CDH8: variants seen among roughly 807,000 people sequenced by gnomAD.
CDH8 encodes cadherin-8.
CDH8 carries 17 observed loss-of-function variants against 68.1 expected under a neutral mutation model. The ratio of observed to expected loss-of-function variants is 0.25; its 90% CI spans 0.17 to 0.37. The LOEUF is 0.37. Among genes scored for constraint, CDH8 ranks in the 10% least tolerant of loss-of-function variants. The pLI, the probability that CDH8 is intolerant of heterozygous loss-of-function variation, is 1.00. For synonymous variants in CDH8, 372 were observed against 365.1 expected, an observed-to-expected ratio of 1.02 and a Z score of -0.21; for missense variants, 763 against 999.3, an observed-to-expected ratio of 0.76 and a Z score of 3.19.
chr16:61,883,829 C>A (rs1488022856), intron 3 of CDH8, among the ~76,000 whole-genome samples: 1 of 151,932 alleles, frequency 6.6e-6, no homozygotes, highest in Admixed American at 6.6e-5. Context: ...TGAGACTTCA[C>A]TATCTGTTAT....
At chr16:61,803,568 G>A (rs370584804) in intron 7 of CDH8, among the ~76,000 whole-genome samples, 13 of 152,088 alleles carry the variant, frequency 8.5e-5, no homozygotes, top group African/African-American at 1.2e-4. Context: ...TATTCAGGAA[G>A]CCCATCTCAC....
chr16:62,007,236 A>G (rs1371196703), intron 2 of CDH8, among the ~76,000 whole-genome samples: 1 of 152,198 alleles, frequency 6.6e-6, no homozygotes, highest in African/African-American at 2.4e-5. Flanking sequence ...AGTTTTAGAC[A>G]GATGTAAACT....
chr16:61,752,804 A>G lies in CDH8; in HGVS notation c.1415-25589T>C, dbSNP rs149295577. ...TACGAGTATTACAGAAAAGTGTAAC[A>G]TGTTTTATCTGCCCTTGAAGGCATT... On this transcript the variant is annotated intron_variant, in intron 8 of 11. Coordinates refer to ENST00000577390, the MANE Select transcript of CDH8 (RefSeq NM_001796.5). Among the ~76,000 whole-genome samples, 19 of 152,340 alleles carry G rather than the reference A, an allele frequency of 1.2e-4. No individual in the cohort carries two copies. The East Asian group carries it at 3.7e-3, about 29-fold the overall frequency.
At chr16:61,947,344 C>T (rs1248284398) in intron 2 of CDH8, among the ~76,000 whole-genome samples, 1 of 152,068 alleles carries the variant, frequency 6.6e-6, no homozygotes, top group Non-Finnish European at 1.5e-5. Context: ...TGAACATTCC[C>T]CAAGCACATA....
chr16:61,684,936 T>C (rs934656718), intron 10 of CDH8, among the ~76,000 whole-genome samples: 2 of 151,852 alleles, frequency 1.3e-5, no homozygotes, highest in African/African-American at 4.8e-5. Flanking sequence ...ATTCTACTCC[T>C]TCTCTCTCTC....
intron 3 of CDH8, among the ~76,000 whole-genome samples, chr16:61,876,377 C>T (rs1007965600): frequency 1.3e-5 from 2 of 152,090 alleles, no homozygotes; most frequent in African/African-American, 4.8e-5. Context: ...CTGAGAGTTG[C>T]TGTTTCCTAG....
At chr16:61,735,919 A>C (rs1959665332) in intron 8 of CDH8, among the ~76,000 whole-genome samples, 1 of 151,876 alleles carries the variant, frequency 6.6e-6, no homozygotes, top group African/African-American at 2.4e-5. Context: ...CTAAAAATAC[A>C]AAAATTAGCT....
chr16:61,874,613 A>G (rs1352521196), intron 3 of CDH8, among the ~76,000 whole-genome samples: 1 of 152,122 alleles, frequency 6.6e-6, no homozygotes. Context: ...TCAACTTACT[A>G]TAAGTTTATT....
chr16:61,749,845 T>C (rs1387992924), intron 8 of CDH8, among the ~76,000 whole-genome samples: 1 of 152,088 alleles, frequency 6.6e-6, no homozygotes, highest in South Asian at 2.1e-4. Context: ...AATAGTGACA[T>C]GTAAACTATT....
chr16:61,690,084 A>C (rs1012048327), intron 10 of CDH8, among the ~76,000 whole-genome samples: 11 of 152,072 alleles, frequency 7.2e-5, no homozygotes, highest in African/African-American at 2.7e-4. Flanking sequence ...AAGTGTGTTG[A>C]ACATATGTTG....
rs993959682 is a variant in CDH8, at chr16:61,651,952, G to A, written c.*1656C>T. 2.5e-6 allele frequency: 1 copy of A among 393,464 alleles called. No individual in the cohort carries two copies. Among genetic ancestry groups the A allele is most frequent in the South Asian group, 1.1e-4 (1 of 9,494 alleles). 24.4% of individuals were successfully genotyped at this position (393,464 alleles called of 1,614,324 possible). A position where few individuals can be genotyped will look rare whatever the true frequency, so the allele number is the denominator to read the frequency against. ...TGAGTATTCTAGAATTTTAGTTTGA[G>A]TTGATGATTCTGTTAATAGATCTTC... On this transcript the variant is annotated 3_prime_UTR_variant, in exon 12 of 12. Coordinates refer to ENST00000577390, the MANE Select transcript of CDH8 (RefSeq NM_001796.5).
intron 2 of CDH8, among the ~76,000 whole-genome samples, chr16:61,908,467 C>T (rs1964100139): frequency 6.6e-6 from 1 of 152,234 alleles, no homozygotes; most frequent in Admixed American, 6.5e-5. Flanking sequence ...TGTTTCTGAA[C>T]TGCTACCAAA....
intron 8 of CDH8, among the ~76,000 whole-genome samples, chr16:61,773,852 C>T (rs1050751476): frequency 6.6e-6 from 1 of 152,014 alleles, no homozygotes; most frequent in African/African-American, 2.4e-5. Context: ...CCTATAGAGG[C>T]TCTAGGGACC....
In CDH8 at chr16:61,848,462, T is replaced by C. The variant is rs190016145; in HGVS notation, c.667+8657A>G. ...GCAAATAACATGACCATCACACCAC[T>C]TCAAGCTTACCCAAGTATATTTAAC... On this transcript the variant is annotated intron_variant, in intron 4 of 11. Transcript: ENST00000577390. Among the ~76,000 whole-genome samples, 656 of 152,202 alleles carry C rather than the reference T, an allele frequency of 4.3e-3. 7 individuals carry two copies. Among genetic ancestry groups the C allele is most frequent in the Non-Finnish European group, 5.7e-3 (387 of 68,002 alleles).
chr16:61,660,254 A>G (rs1963529326), intron 10 of CDH8, among the ~76,000 whole-genome samples: 1 of 151,246 alleles, frequency 6.6e-6, no homozygotes, highest in South Asian at 2.1e-4. Context: ...GCAAAGAATG[A>G]AGAAAATATG....
intron 10 of CDH8, among the ~76,000 whole-genome samples, chr16:61,708,867 G>A (rs1243703438): frequency 6.6e-6 from 1 of 152,114 alleles, no homozygotes; most frequent in Non-Finnish European, 1.5e-5. Flanking sequence ...TTGAAGAAAT[G>A]TCCCATGCTT....
intron 10 of CDH8, among the ~76,000 whole-genome samples, chr16:61,700,050 A>G (rs2142846671): frequency 6.6e-6 from 1 of 152,190 alleles, no homozygotes; most frequent in African/African-American, 2.4e-5. Flanking sequence ...TTTAATTGTC[A>G]GTTTTTCTTT....
chr16:61,728,677 T>G (rs1475955177), intron 8 of CDH8, among the ~76,000 whole-genome samples: 1 of 151,140 alleles, frequency 6.6e-6, no homozygotes, highest in Admixed American at 6.6e-5. Flanking sequence ...CTAGGAAGTT[T>G]ATAATTTGAG....
At chr16:61,961,175 T>C (rs141120301) in intron 2 of CDH8, among the ~76,000 whole-genome samples, 1 of 152,070 alleles carries the variant, frequency 6.6e-6, no homozygotes, top group African/African-American at 2.4e-5. Flanking sequence ...ATTAGCCAGG[T>C]GTGGAGGCAC....
Sources: gnomAD v4.1 joint callset for allele counts (sites outside exome capture counted in the v4.1 genomes callset) on GRCh38, gnomAD v4.1.1 for gene constraint, MANE v1.5 for transcripts, NCBI Gene and HGNC (gene_info 2026-07-23, HGNC 2026-07-21) for gene names.